DISC1: variants seen among roughly 807,000 people sequenced by gnomAD.
DISC1 encodes disrupted in schizophrenia 1 protein.
A neutral mutation model predicts 84.5 loss-of-function variants in DISC1; 57 were observed. The ratio of observed to expected loss-of-function variants is 0.67; its 90% CI spans 0.55 to 0.84. The LOEUF (loss-of-function observed/expected upper bound fraction) is 0.84. Ranked by LOEUF, DISC1 falls within the 40% of genes least tolerant of loss-of-function variation. DISC1 has a pLI of 0.00. For synonymous variants in DISC1, 411 were observed against 415.2 expected, an observed-to-expected ratio of 0.99 and a Z score of 0.12; for missense variants, 1,000 against 1,057.8, an observed-to-expected ratio of 0.95 and a Z score of 0.76.
chr1:231,913,666 G>C (rs540969187), intron 9 of DISC1, among the ~76,000 whole-genome samples: 1 of 152,310 alleles, frequency 6.6e-6, no homozygotes, highest in East Asian at 1.9e-4. Flanking sequence ...AGTCATCTGA[G>C]TTTACTTCTC....
chr1:231,986,614 G>T (rs999852590), intron 10 of DISC1, among the ~76,000 whole-genome samples: 1 of 152,136 alleles, frequency 6.6e-6, no homozygotes, highest in Non-Finnish European at 1.5e-5. Context: ...GTAAATATTT[G>T]CTACAAAATG....
chr1:232,019,777 T>C (rs974990110), intron 11 of DISC1, among the ~76,000 whole-genome samples: 1 of 152,124 alleles, frequency 6.6e-6, no homozygotes, highest in Non-Finnish European at 1.5e-5. Flanking sequence ...CCCGCTTGCT[T>C]TTCTCTGCTT....
chr1:231,886,851 T>C (rs1390909007), intron 9 of DISC1, among the ~76,000 whole-genome samples: 2 of 84,342 alleles, frequency 2.4e-5, no homozygotes, highest in African/African-American at 1.0e-4. Flanking sequence ...TTCTTTTCTT[T>C]CTTTCTTTTC....
At chr1:231,911,234 A>G (rs1030648315) in intron 9 of DISC1, among the ~76,000 whole-genome samples, 1 of 152,012 alleles carries the variant, frequency 6.6e-6, no homozygotes, top group Non-Finnish European at 1.5e-5. Flanking sequence ...TTTGCTGGTT[A>G]TTTTGCTCGT....
intron 10 of DISC1, among the ~76,000 whole-genome samples, chr1:231,979,643 A>C (rs1476124286): frequency 2.0e-5 from 3 of 151,110 alleles, no homozygotes; most frequent in Admixed American, 6.6e-5. Context: ...ATTTCTCTCT[A>C]TATATGAAAT....
At position 231,720,141 on chromosome 1, in the gene DISC1, T is replaced by A. The variant is rs74600261; in HGVS notation, c.1117+18117T>A. On this transcript the variant is annotated intron_variant, in intron 3 of 12. Coordinates refer to ENST00000439617, the MANE Select transcript of DISC1 (RefSeq NM_018662.3). ...TTAGGGATGACTACTCCCTAAGTCA[T>A]GGCCAGAACATTTAGTGTAATTAGT... Among the ~76,000 whole-genome samples, 12 of 152,280 alleles carry A rather than the reference T, an allele frequency of 7.9e-5. No individual in the cohort carries two copies. In the East Asian group the frequency reaches 1.9e-3, roughly 24 times the overall value.
At chr1:231,932,585 GCT>G (rs1419282849) in intron 9 of DISC1, among the ~76,000 whole-genome samples, 1 of 152,134 alleles carries the variant, frequency 6.6e-6, no homozygotes, top group African/African-American at 2.4e-5. Context: ...CAAAGGCTAT[GCT>G]CTTTCACTCT....
intron 9 of DISC1, among the ~76,000 whole-genome samples, chr1:231,921,161 G>A (rs765529051): frequency 6.6e-6 from 1 of 151,592 alleles, no homozygotes; most frequent in African/African-American, 2.4e-5. Flanking sequence ...TGATCTGCCC[G>A]CCTCGGCCTC....
chr1:231,754,619 G>A (rs1049801105), intron 4 of DISC1, among the ~76,000 whole-genome samples: 8 of 152,138 alleles, frequency 5.3e-5, no homozygotes, highest in African/African-American at 1.2e-4. Context: ...GGGTGGGGAC[G>A]CAGATCCAAA....
At position 231,694,426 on chromosome 1, in the gene DISC1, G is replaced by C; in HGVS notation, c.668G>C (p.Arg223Pro). The change falls in exon 2 of 13, where the codon CGT becomes CCT. Residue 223 changes from arginine to proline, a missense_variant. By Grantham distance (103) the Arg-to-Pro change is moderately radical (BLOSUM62 -2). This residue lies in a region of DISC1 where 311 missense variants were observed against 400.1 expected (regional missense o/e 0.78). Coordinates refer to ENST00000439617, the MANE Select transcript of DISC1 (RefSeq NM_018662.3). The part of the protein sequence containing the change: ...IRLSLGSAGE[R>P]GEAEGCPPSR... ...CTCTCGCTTGGCTCTGCCGGGGAAC[G>C]TGGAGAAGCAGAAGGCTGCCCACCA... 1 of 1,614,256 alleles carries C rather than the reference G, an allele frequency of 6.2e-7. No homozygotes were observed. The highest frequency in any genetic ancestry group is 8.5e-7 in the Non-Finnish European group (1 of 1,180,044).
At chr1:231,746,498 T>C (rs1024615112) in intron 3 of DISC1, among the ~76,000 whole-genome samples, 17 of 152,244 alleles carry the variant, frequency 1.1e-4, no homozygotes, top group African/African-American at 4.1e-4. Context: ...ATGATTGTTC[T>C]ATTTGTAGTT....
At chr1:231,629,538 A>G (rs1216944354) in intron 1 of DISC1, 1 of 152,676 alleles carries the variant, frequency 6.5e-6, no homozygotes, top group Admixed American at 6.5e-5. Context: ...AAAGCAATGC[A>G]TGCTCATTAC....
At chr1:231,776,187 C>T (rs1018236150) in intron 6 of DISC1, among the ~76,000 whole-genome samples, 1 of 152,078 alleles carries the variant, frequency 6.6e-6, no homozygotes, top group Non-Finnish European at 1.5e-5. Context: ...TGGCTAACGG[C>T]AAAGTGAGGG....
chr1:231,718,343 G>T (rs1573197430), intron 3 of DISC1, among the ~76,000 whole-genome samples: 6 of 151,892 alleles, frequency 4.0e-5, no homozygotes. Flanking sequence ...GTTAAATATG[G>T]CCTGCCATAA....
chr1:231,794,256 T>C (rs2078582812), intron 6 of DISC1, among the ~76,000 whole-genome samples: 1 of 152,186 alleles, frequency 6.6e-6, no homozygotes, highest in Non-Finnish European at 1.5e-5. Flanking sequence ...TCTCTTTTTT[T>C]TTTTCCCTTT....
At chr1:232,026,367 AGCTTCCCTTTGTGTTCTGTCTGT>A in intron 11 of DISC1, 45 bp from the exon 12 acceptor site, 1 of 1,079,928 alleles carries the variant, frequency 9.3e-7, no homozygotes, top group Non-Finnish European at 1.4e-6. Flanking sequence ...CTTTCCAGGA[AGCTTCCCTTTGTGTTCTGTCTGT>A]GTCCACGGCA....
intron 8 of DISC1, among the ~76,000 whole-genome samples, chr1:231,808,067 G>A (rs971152500): frequency 2.4e-4 from 37 of 152,236 alleles, no homozygotes; most frequent in African/African-American, 8.4e-4. Context: ...TTTTAGAGAA[G>A]CTCTAAATTC....
At chr1:231,926,956 T>G (rs999896522) in intron 9 of DISC1, among the ~76,000 whole-genome samples, 14 of 152,234 alleles carry the variant, frequency 9.2e-5, no homozygotes, top group African/African-American at 3.4e-4. Flanking sequence ...GCTATTGGCC[T>G]CCTGGAATTT....
At chr1:232,021,194 C>T (rs1368388381) in intron 11 of DISC1, among the ~76,000 whole-genome samples, 1 of 152,136 alleles carries the variant, frequency 6.6e-6, no homozygotes, top group African/African-American at 2.4e-5. Context: ...TGCTAAGTGT[C>T]CCCTGAAGAA....
Sources: allele counts gnomAD v4.1 joint callset (sites outside exome capture counted in the v4.1 genomes callset), GRCh38; gene constraint gnomAD v4.1.1; regional missense constraint gnomAD v4.1.1; transcripts MANE v1.5; gene names NCBI Gene and HGNC (gene_info 2026-07-23, HGNC 2026-07-21).